XRCC4: variants seen among roughly 807,000 people sequenced by gnomAD.
XRCC4 encodes DNA repair protein XRCC4.
Under a neutral mutation model 39.1 loss-of-function variants are expected in XRCC4, and 28 were observed. The ratio of observed to expected loss-of-function variants is 0.72; its 90% CI spans 0.53 to 0.98. XRCC4 has a LOEUF of 0.98. XRCC4 is among the 50% of genes least tolerant of loss of function. The pLI, the probability that XRCC4 is intolerant of heterozygous loss-of-function variation, is 0.00. For synonymous variants in XRCC4, 123 were observed against 126.4 expected (o/e 0.97, Z 0.18); for missense variants, 350 against 376.4 (o/e 0.93, Z 0.58).
At chr5:83,353,041 T>C (rs1379453348) in intron 7 of XRCC4, 90 bp from the exon 8 acceptor site, 4 of 1,014,232 alleles carry the variant, frequency 3.9e-6, no homozygotes, top group African/African-American at 1.7e-5. Flanking sequence ...GATTTAACTG[T>C]CATTTCACTT....
At chr5:83,149,383 A>C (rs1748604095) in intron 3 of XRCC4, among the ~76,000 whole-genome samples, 1 of 151,796 alleles carries the variant, frequency 6.6e-6, no homozygotes, top group Non-Finnish European at 1.5e-5. Context: ...GAGATACAGG[A>C]TATATATGTA....
chr5:83,289,970 T>G (rs1754861035), intron 7 of XRCC4, among the ~76,000 whole-genome samples: 1 of 151,814 alleles, frequency 6.6e-6, no homozygotes, highest in South Asian at 2.1e-4. Flanking sequence ...TCCCTAAGAC[T>G]GTGGCCTCCA....
chr5:83,352,617 C>A (rs1757113871), intron 7 of XRCC4, among the ~76,000 whole-genome samples: 2 of 152,208 alleles, frequency 1.3e-5, no homozygotes, highest in African/African-American at 4.8e-5. Flanking sequence ...TATGGACCAA[C>A]ATTTCATCAG....
chr5:83,157,277 C>T (rs1480274259), intron 3 of XRCC4, among the ~76,000 whole-genome samples: 1 of 152,074 alleles, frequency 6.6e-6, no homozygotes, highest in African/African-American at 2.4e-5. Context: ...ACACTATCCT[C>T]TATCCTTCCC....
rs139248963 is a variant in XRCC4, at chr5:83,091,269, A to G, written c.-10-13641A>G. ...TGGAGGCCTCAGGAAACTTACAATC[A>G]TGGCAGAAGGAAAAGCAGGCAGGCA... On this transcript the variant is annotated intron_variant, in intron 1 of 7. Coordinates refer to ENST00000396027, the MANE Select transcript of XRCC4 (RefSeq NM_003401.5). Among the ~76,000 whole-genome samples, 171 of 152,324 alleles carry G rather than the reference A, an allele frequency of 1.1e-3. 1 individual carries two copies. Among genetic ancestry groups the G allele is most frequent in the Middle Eastern group, 3.4e-3 (1 of 294 alleles).
downstream of XRCC4, among the ~76,000 whole-genome samples, chr5:83,357,456 G>T (rs371266057): frequency 9.2e-5 from 14 of 152,218 alleles, no homozygotes; most frequent in East Asian, 2.1e-3. Flanking sequence ...AAATCGGGGG[G>T]GTTGGAGAGT....
chr5:83,326,408 TTTAC>T (rs1432143747), intron 7 of XRCC4, among the ~76,000 whole-genome samples: 1 of 152,094 alleles, frequency 6.6e-6, no homozygotes, highest in African/African-American at 2.4e-5. Context: ...AAGTGCCTAG[TTTAC>T]TTAAGAGTTT....
At chr5:83,247,916 A>G (rs1255157597) in intron 6 of XRCC4, among the ~76,000 whole-genome samples, 1 of 152,176 alleles carries the variant, frequency 6.6e-6, no homozygotes, top group Non-Finnish European at 1.5e-5. Context: ...TTTCTTGATT[A>G]ATTATTCTTC....
intron 3 of XRCC4, among the ~76,000 whole-genome samples, chr5:83,162,121 A>G (rs1749243905): frequency 6.6e-6 from 1 of 152,190 alleles, no homozygotes; most frequent in African/African-American, 2.4e-5. Flanking sequence ...GAGTGGAGAT[A>G]AAGCCACTGC....
chr5:83,315,390 G>T (rs970987254), intron 7 of XRCC4, among the ~76,000 whole-genome samples: 5 of 152,152 alleles, frequency 3.3e-5, no homozygotes, highest in African/African-American at 1.2e-4. Flanking sequence ...CAGTTATCCT[G>T]AAGATCTAGC....
chr5:83,248,522 T>C (rs1753193042), intron 6 of XRCC4, among the ~76,000 whole-genome samples: 1 of 152,168 alleles, frequency 6.6e-6, no homozygotes, highest in African/African-American at 2.4e-5. Context: ...ACTGATTCCA[T>C]CTTTGGGGCG....
intron 3 of XRCC4, among the ~76,000 whole-genome samples, chr5:83,122,609 C>G (rs536737401): frequency 2.7e-4 from 41 of 152,204 alleles, no homozygotes; most frequent in Non-Finnish European, 1.5e-5. Context: ...TTAGGTTTAT[C>G]ACTTTGAAGC....
At chr5:83,321,078 G>T (rs1756057019) in intron 7 of XRCC4, among the ~76,000 whole-genome samples, 1 of 151,936 alleles carries the variant, frequency 6.6e-6, no homozygotes, top group African/African-American at 2.4e-5. Flanking sequence ...CAAAGTGCTG[G>T]GATTACAGGC....
At chr5:83,118,919 A>G (rs1174823350) in intron 3 of XRCC4, among the ~76,000 whole-genome samples, 1 of 152,234 alleles carries the variant, frequency 6.6e-6, no homozygotes, top group Non-Finnish European at 1.5e-5. Context: ...ATGTTACAAC[A>G]TAAAGTAAGT....
chr5:83,355,408 T>G (rs1757178953), downstream of XRCC4, among the ~76,000 whole-genome samples: 1 of 152,196 alleles, frequency 6.6e-6, no homozygotes, highest in Non-Finnish European at 1.5e-5. Context: ...CTATCCCCAG[T>G]ACTAAGAGCA....
downstream of XRCC4, among the ~76,000 whole-genome samples, chr5:83,357,137 G>A (rs530274096): frequency 6.6e-6 from 1 of 152,262 alleles, no homozygotes; most frequent in East Asian, 1.9e-4. Flanking sequence ...ACAGAACTGG[G>A]CCATGTGAAA....
intron 7 of XRCC4, among the ~76,000 whole-genome samples, chr5:83,275,513 T>A (rs1236330036): frequency 1.3e-5 from 2 of 152,032 alleles, no homozygotes; most frequent in Non-Finnish European, 2.9e-5. Context: ...GCCGGGATGG[T>A]CTCGATCTCC....
intron 7 of XRCC4, among the ~76,000 whole-genome samples, chr5:83,266,508 T>A (rs1457054381): frequency 6.6e-6 from 1 of 151,564 alleles, no homozygotes; most frequent in African/African-American, 2.4e-5. Context: ...AGAAATCAGA[T>A]ATGAGAATAA....
rs1396450 is a variant in XRCC4, at chr5:83,210,725, C to T, written c.745+5804C>T. Among the ~76,000 whole-genome samples the T allele has an allele frequency of 9.2e-3, 1,399 of 152,186 alleles. 18 individuals are homozygous for T. Among genetic ancestry groups the T allele is most frequent in the African/African-American group, 0.032 (1,313 of 41,520 alleles). ...ATACATTCTCAAGAAAGATAGTCAA[C>T]GTCATCAGATTGAACAAGTAAGACT... On this transcript the variant is annotated intron_variant, in intron 6 of 7. Transcript: ENST00000396027.
Sources: allele counts gnomAD v4.1 joint callset (sites outside exome capture counted in the v4.1 genomes callset), GRCh38; gene constraint gnomAD v4.1.1; transcripts MANE v1.5; gene names NCBI Gene and HGNC (gene_info 2026-07-23, HGNC 2026-07-21).